MGST1: variants seen among roughly 807,000 people sequenced by gnomAD.
MGST1 encodes glutathione S-transferase 12.
MGST1 carries 5 observed loss-of-function variants against 8.9 expected under a neutral mutation model. That is an observed-to-expected ratio of 0.56 (90% CI 0.29 to 1.19). The LOEUF (loss-of-function observed/expected upper bound fraction) is 1.19. MGST1 is among the 50% of genes most tolerant of loss of function. The probability of loss-of-function intolerance (pLI) is 0.08; values close to 1 mark genes in which losing one functional copy is unlikely to be tolerated. For missense variants in MGST1, 182 were observed against 187.4 expected, an observed-to-expected ratio of 0.97 and a Z score of 0.17; for synonymous variants, 54 against 67.8, an observed-to-expected ratio of 0.80 and a Z score of 1.00.
chr12:16,367,742 G>T (rs1053750616), downstream of MGST1, among the ~76,000 whole-genome samples: 1 of 152,266 alleles, frequency 6.6e-6, no homozygotes, highest in South Asian at 2.1e-4. Flanking sequence ...TCTCTCTTCA[G>T]TGAAACTTAA....
At chr12:16,461,663 G>A (rs926786593) in intron 4 of MGST1, among the ~76,000 whole-genome samples, 1 of 152,108 alleles carries the variant, frequency 6.6e-6, no homozygotes, top group Non-Finnish European at 1.5e-5. Context: ...AAAAACACAT[G>A]TGCTTTTCTT....
chr12:16,501,745 G>A (rs1941507206), intron 4 of MGST1, among the ~76,000 whole-genome samples: 1 of 152,120 alleles, frequency 6.6e-6, no homozygotes, highest in African/African-American at 2.4e-5. Context: ...TAACTATGCA[G>A]TTCTACTAGT....
chr12:16,515,466 G>A (rs934050365), intron 4 of MGST1, among the ~76,000 whole-genome samples: 20 of 151,734 alleles, frequency 1.3e-4, no homozygotes, highest in African/African-American at 4.1e-4. Context: ...GTTAAACCCC[G>A]TCTCTACTAA....
At position 16,411,621 on chromosome 12, in the gene MGST1, G is replaced by T. The variant is rs193027729; in HGVS notation, n.779-25767G>T. Reference sequence around the variant, plus strand: ...GATAAAGGGCTGTACAAATGGTGGGGCTTCAGATCCTGTAAATCCTAGTAT... The same window carrying T: ...GATAAAGGGCTGTACAAATGGTGGGTCTTCAGATCCTGTAAATCCTAGTAT... On this transcript the variant is annotated intron_variant and non_coding_transcript_variant, in intron 1 of 1. Transcript: ENST00000359720. Among the ~76,000 whole-genome samples, 555 of 152,190 alleles carry T rather than the reference G, an allele frequency of 3.6e-3. 4 individuals are homozygous for T. The highest frequency in any genetic ancestry group is 0.012 in the African/African-American group (519 of 41,536).
downstream of MGST1, among the ~76,000 whole-genome samples, chr12:16,592,824 A>G (rs1224910519): frequency 3.3e-5 from 5 of 151,932 alleles, no homozygotes; most frequent in Non-Finnish European, 5.9e-5. Context: ...AATAATTACT[A>G]AAGAGATTTC....
chr12:16,477,540 G>T (rs1245015403), intron 4 of MGST1, among the ~76,000 whole-genome samples: 1 of 152,054 alleles, frequency 6.6e-6, no homozygotes, highest in Non-Finnish European at 1.5e-5. Flanking sequence ...ATAGTTTAGG[G>T]TATTTTTAAA....
At chr12:16,572,051 T>C (rs569488224) in intron 4 of MGST1, among the ~76,000 whole-genome samples, 2 of 152,080 alleles carry the variant, frequency 1.3e-5, no homozygotes, top group African/African-American at 2.4e-5. Context: ...AACTCCTTTT[T>C]GGAATAAGAA....
intron 1 of MGST1, among the ~76,000 whole-genome samples, chr12:16,409,541 C>G (rs530195831): frequency 3.9e-5 from 6 of 152,054 alleles, no homozygotes; most frequent in Non-Finnish European, 7.4e-5. Context: ...GAAAACTTTA[C>G]TCTGAAGTAT....
At chr12:16,416,008 C>T (rs1940784547) in intron 1 of MGST1, among the ~76,000 whole-genome samples, 2 of 152,074 alleles carry the variant, frequency 1.3e-5, no homozygotes, top group Admixed American at 1.3e-4. Context: ...GAGTAATATA[C>T]ATTTAGTAGT....
intron 4 of MGST1, among the ~76,000 whole-genome samples, chr12:16,446,522 A>G (rs1941081159): frequency 6.6e-6 from 1 of 151,730 alleles, no homozygotes. Flanking sequence ...GTATTTAGAG[A>G]TGCTGTATTC....
chr12:16,511,001 A>G (rs1330598283), intron 4 of MGST1, among the ~76,000 whole-genome samples: 1 of 151,994 alleles, frequency 6.6e-6, no homozygotes, highest in East Asian at 2.0e-4. Context: ...TTGAATAAAT[A>G]AATACTAAAA....
chr12:16,536,874 A>T (rs1941759591), intron 4 of MGST1, among the ~76,000 whole-genome samples: 1 of 152,176 alleles, frequency 6.6e-6, no homozygotes, highest in Non-Finnish European at 1.5e-5. Flanking sequence ...ATTCAAGATG[A>T]GATTTGGGTG....
rs963052942 is a variant in MGST1 at position 16,546,685 on chromosome 12, C to G, written n.483-42843C>G. On this transcript the variant is annotated intron_variant and non_coding_transcript_variant, in intron 4 of 4. Transcript: ENST00000538857. The surrounding 1 kb of genome is among the most constrained non-coding windows in gnomAD (Gnocchi z 4.7). ...TTACCAACAGATGTTTCTTACTTAC[C>G]TAAGGGAACTGTTGTAATTATTCTA... Among the ~76,000 whole-genome samples the G allele has an allele frequency of 1.3e-5, 2 of 151,944 alleles. No individual in the cohort carries two copies. Among genetic ancestry groups the G allele is most frequent in the Admixed American group, 6.6e-5 (1 of 15,238 alleles).
At chr12:16,590,937 G>A (rs1193308012), downstream of MGST1, among the ~76,000 whole-genome samples, 2 of 151,806 alleles carry the variant, frequency 1.3e-5, no homozygotes, top group East Asian at 3.9e-4. Context: ...CAAATAAAAA[G>A]ACATCCAAAA....
intron 1 of MGST1, among the ~76,000 whole-genome samples, chr12:16,435,992 T>TATAC (rs1555103118): frequency 1.3e-5 from 2 of 149,276 alleles, no homozygotes; most frequent in South Asian, 2.1e-4. Flanking sequence ...CTGCTGCAAA[T>TATAC]ACACACACAC....
intron 4 of MGST1, among the ~76,000 whole-genome samples, chr12:16,509,266 GAGAAA>G (rs1941560545): frequency 6.6e-6 from 1 of 152,016 alleles, no homozygotes. Context: ...CTTCCATGGG[GAGAAA>G]AGAAGTGCTA....
At chr12:16,432,957 G>A (rs535952803) in intron 1 of MGST1, among the ~76,000 whole-genome samples, 31 of 152,156 alleles carry the variant, frequency 2.0e-4, no homozygotes, top group Non-Finnish European at 3.7e-4. Flanking sequence ...CCAATAGTGT[G>A]TGTATTAGTC....
At chr12:16,457,670 A>G (rs1941186528) in intron 4 of MGST1, among the ~76,000 whole-genome samples, 1 of 151,934 alleles carries the variant, frequency 6.6e-6, no homozygotes, top group Admixed American at 6.6e-5. Context: ...TGTAATGCAG[A>G]AGATTTATTT....
At chr12:16,464,690 T>G (rs1941242278) in intron 4 of MGST1, among the ~76,000 whole-genome samples, 1 of 152,226 alleles carries the variant, frequency 6.6e-6, no homozygotes, top group African/African-American at 2.4e-5. Flanking sequence ...TAGTCATGTT[T>G]CCTCTTCAAG....
Sources: allele counts gnomAD v4.1 joint callset (sites outside exome capture counted in the v4.1 genomes callset), GRCh38; gene constraint gnomAD v4.1.1; non-coding constraint Gnocchi (gnomAD v3.1); transcripts MANE v1.5; gene names NCBI Gene and HGNC (gene_info 2026-07-23, HGNC 2026-07-21).